Variants in CERS3 observed in about 807,000 individuals in gnomAD.
The protein encoded by CERS3 is ceramide synthase 3.
In CERS3, 33 loss-of-function variants were observed where a neutral mutation model predicts 50.3. The observed-to-expected ratio is 0.66, with a 90% CI of 0.50 to 0.88. The LOEUF (loss-of-function observed/expected upper bound fraction) is 0.88, where lower values mean the gene tolerates loss of function less well. CERS3 is among the 40% of genes least tolerant of loss of function. The probability of loss-of-function intolerance (pLI) is 0.00; values close to 1 mark genes in which losing one functional copy is unlikely to be tolerated. For synonymous variants in CERS3, 176 were observed against 155.2 expected (o/e 1.13, Z -0.99); for missense variants, 470 against 460.3 (o/e 1.02, Z -0.19).
intron 3 of CERS3, among the ~76,000 whole-genome samples, chr15:100,496,715 C>T (rs1179216158): frequency 6.6e-6 from 1 of 152,104 alleles, no homozygotes; most frequent in Non-Finnish European, 1.5e-5. Context: ...TTTCCTTATT[C>T]TTCCTTCAGT....
intron 1 of CERS3, among the ~76,000 whole-genome samples, chr15:100,534,031 G>A (rs528104348): frequency 6.6e-6 from 1 of 152,332 alleles, no homozygotes; most frequent in Admixed American, 6.5e-5. Flanking sequence ...GAAGGCTGCA[G>A]TGCTGTATGC....
chr15:100,468,395 T>C (rs1167928095), intron 10 of CERS3, among the ~76,000 whole-genome samples: 1 of 152,172 alleles, frequency 6.6e-6, no homozygotes, highest in Non-Finnish European at 1.5e-5. Flanking sequence ...ACCACTACAC[T>C]CTGTTGTTCC....
At chr15:100,423,275 C>T (rs2032581525) in intron 11 of CERS3, among the ~76,000 whole-genome samples, 2 of 152,060 alleles carry the variant, frequency 1.3e-5, no homozygotes, top group South Asian at 2.1e-4. Flanking sequence ...TGGGTATATA[C>T]CCAAAGAAAT....
At chr15:100,438,862 GGAT>G (rs1398895630) in intron 11 of CERS3, among the ~76,000 whole-genome samples, 5 of 152,340 alleles carry the variant, frequency 3.3e-5, no homozygotes, top group African/African-American at 1.2e-4. Context: ...CCAGGATCCA[GGAT>G]GATATTTAGA....
intron 5 of CERS3, among the ~76,000 whole-genome samples, chr15:100,481,490 T>C (rs1452877741): frequency 6.6e-6 from 1 of 152,248 alleles, no homozygotes; most frequent in African/African-American, 2.4e-5. Flanking sequence ...ATATAGGAGA[T>C]GATAAGGCCA....
At chr15:100,488,915 T>TAA (rs1342176126) in intron 4 of CERS3, among the ~76,000 whole-genome samples, 1 of 152,148 alleles carries the variant, frequency 6.6e-6, no homozygotes, top group Admixed American at 6.5e-5. Flanking sequence ...TAGCTGGGAT[T>TAA]ACAGGCACTC....
intron 10 of CERS3, among the ~76,000 whole-genome samples, chr15:100,468,324 A>G (rs1053167691): frequency 5.9e-5 from 9 of 152,176 alleles, no homozygotes; most frequent in South Asian, 2.1e-4. Context: ...CAAGATCACA[A>G]AGGTCGTAAG....
At chr15:100,532,605 GA>G (rs200450402), upstream of CERS3, among the ~76,000 whole-genome samples, 1,497 of 143,394 alleles carry the variant, frequency 0.01, 28 homozygotes, top group African/African-American at 0.031. Flanking sequence ...GTCTCTACAA[GA>G]AAAAAAAAAA....
intron 11 of CERS3, among the ~76,000 whole-genome samples, chr15:100,448,006 G>A (rs1408059044): frequency 1.3e-5 from 2 of 152,182 alleles, no homozygotes; most frequent in African/African-American, 2.4e-5. Context: ...CAGAAACAAA[G>A]CATAGTAAAA....
chr15:100,526,103 A>G (rs1482440791), intron 1 of CERS3, among the ~76,000 whole-genome samples: 1 of 152,252 alleles, frequency 6.6e-6, no homozygotes, highest in Non-Finnish European at 1.5e-5. Context: ...TCTGGATTCA[A>G]ACATAGAGAT....
intron 4 of CERS3, among the ~76,000 whole-genome samples, chr15:100,489,622 CCTAT>C (rs1402585284): frequency 6.6e-6 from 1 of 151,994 alleles, no homozygotes; most frequent in East Asian, 1.9e-4. Flanking sequence ...CAGAAAGAGC[CCTAT>C]CTTTTTTTAA....
chr15:100,516,870 C>T (rs1454725195), intron 2 of CERS3, among the ~76,000 whole-genome samples: 1 of 152,206 alleles, frequency 6.6e-6, no homozygotes, highest in Non-Finnish European at 1.5e-5. Flanking sequence ...GGAGAATGCC[C>T]AGATCTCCCT....
intron 2 of CERS3, among the ~76,000 whole-genome samples, chr15:100,508,797 C>T (rs1045416656): frequency 1.3e-5 from 2 of 152,140 alleles, no homozygotes; most frequent in African/African-American, 4.8e-5. Flanking sequence ...ACCCCCGGGT[C>T]ATTCTCAGTT....
chr15:100,442,792 C>G (rs1358226126), intron 11 of CERS3, among the ~76,000 whole-genome samples: 1 of 152,248 alleles, frequency 6.6e-6, no homozygotes, highest in African/African-American at 2.4e-5. Flanking sequence ...CGGAAGCCCC[C>G]TAGACCATCA....
intron 3 of CERS3, among the ~76,000 whole-genome samples, chr15:100,495,727 G>C (rs1287672554): frequency 6.6e-6 from 1 of 151,742 alleles, no homozygotes; most frequent in Non-Finnish European, 1.5e-5. Flanking sequence ...CCAGTCTGTG[G>C]CTTGCCTTTT....
chr15:100,459,997 A>G (rs936571515), intron 10 of CERS3, among the ~76,000 whole-genome samples: 1 of 152,110 alleles, frequency 6.6e-6, no homozygotes, highest in Non-Finnish European at 1.5e-5. Flanking sequence ...AATGCTCTTT[A>G]TATACTAAAG....
intron 1 of CERS3, chr15:100,544,293 A>G (rs776330704): frequency 6.7e-5 from 10 of 150,278 alleles, no homozygotes; most frequent in Non-Finnish European, 1.2e-4. Flanking sequence ...GGCTGCCGCG[A>G]GCGGGGAGCG....
At chr15:100,474,636 C>A (rs2035069120) in intron 8 of CERS3, among the ~76,000 whole-genome samples, 1 of 152,246 alleles carries the variant, frequency 6.6e-6, no homozygotes, top group African/African-American at 2.4e-5. Context: ...ATCTCTTGAC[C>A]TCATGATCCA....
At chr15:100,453,516 C>T (rs897178610) in intron 11 of CERS3, among the ~76,000 whole-genome samples, 3 of 152,092 alleles carry the variant, frequency 2.0e-5, no homozygotes, top group Admixed American at 6.6e-5. Context: ...TAATGAAGGG[C>T]ATATATGACA....
Sources: allele counts gnomAD v4.1 joint callset (sites outside exome capture counted in the v4.1 genomes callset), GRCh38; gene constraint gnomAD v4.1.1; transcripts MANE v1.5; gene names NCBI Gene and HGNC (gene_info 2026-07-23, HGNC 2026-07-21).